Variants in MTARC1 observed in about 807,000 individuals in gnomAD.
The protein encoded by MTARC1 is mitochondrial amidoxime reducing component 1, also known as mitochondrial amidoxime-reducing component 1.
MTARC1 carries 24 observed loss-of-function variants against 33.6 expected under a neutral mutation model. That is an observed-to-expected ratio of 0.72 (90% CI 0.52 to 1.01). The LOEUF (loss-of-function observed/expected upper bound fraction) is 1.01. Ranked by LOEUF, MTARC1 falls within the 50% of genes least tolerant of loss-of-function variation. MTARC1 has a pLI of 0.00. For missense variants in MTARC1, 417 were observed against 445.7 expected (o/e 0.94, Z 0.58); for synonymous variants, 187 against 189.5 (o/e 0.99, Z 0.11).
At chr1:220,787,592 C>T (rs1672275285) in intron 1 of MTARC1, among the ~76,000 whole-genome samples, 1 of 152,010 alleles carries the variant, frequency 6.6e-6, no homozygotes, top group South Asian at 2.1e-4. Flanking sequence ...GGTTCCCAGT[C>T]GCTATTTTGA....
intron 6 of MTARC1, among the ~76,000 whole-genome samples, chr1:220,806,154 A>G (rs1672965243): frequency 6.6e-6 from 1 of 152,252 alleles, no homozygotes; most frequent in Admixed American, 6.5e-5. Context: ...ATAACAGTTT[A>G]GCATACAAGC....
chr1:220,798,421 AG>A (rs1368583227), intron 4 of MTARC1: 35 of 1,174,584 alleles, frequency 3.0e-5, no homozygotes, highest in Non-Finnish European at 3.7e-5. Flanking sequence ...ATTTACTGCA[AG>A]GCTGCTGGGT....
chr1:220,794,219 G>A lies in MTARC1; in HGVS notation c.450-2424G>A, dbSNP rs983405864. 4 of 152,074 alleles carry A rather than the reference G, an allele frequency of 2.6e-5. No homozygotes were observed. In the East Asian group the frequency reaches 7.7e-4, roughly 29 times the overall value. 9.4% of individuals were successfully genotyped at this position (152,074 alleles called of 1,614,324 possible). A position where few individuals can be genotyped will look rare whatever the true frequency, so the allele number is the denominator to read the frequency against. On this transcript the variant is annotated intron_variant, in intron 2 of 6. Transcript: ENST00000366910. ...GGCTGCCAAATGGCAAGTTGAGACTGAGAGGGTGCCTTGGTGGGCTGTAAG... is the reference window on the plus strand; with the variant it reads ...GGCTGCCAAATGGCAAGTTGAGACTAAGAGGGTGCCTTGGTGGGCTGTAAG...
Position 220,813,549 on chromosome 1 carries a change from T to C in MTARC1, c.*131T>C, listed in dbSNP as rs1673205992. The C allele has an allele frequency of 1.6e-6, 2 of 1,269,316 alleles. No individual in the cohort carries two copies. The highest frequency in any genetic ancestry group is 2.2e-6 in the Non-Finnish European group (2 of 926,422). The allele number at this position is 1,269,316 out of a possible 1,614,324, so 78.6% of individuals were successfully genotyped here. A position where few individuals can be genotyped will look rare whatever the true frequency, so the allele number is the denominator to read the frequency against. ...AAATTTGTGATTTTCACATTTTTCGTCTTTTGGACTTCTGGTGTCTCAATG... is the reference window on the plus strand; with the variant it reads ...AAATTTGTGATTTTCACATTTTTCGCCTTTTGGACTTCTGGTGTCTCAATG... On this transcript the variant is annotated 3_prime_UTR_variant, in exon 7 of 7. Transcript: ENST00000366910.
At chr1:220,796,030 A>G (rs545437415) in intron 2 of MTARC1, among the ~76,000 whole-genome samples, 3 of 152,314 alleles carry the variant, frequency 2.0e-5, no homozygotes, top group East Asian at 3.9e-4. Context: ...ACAGCCCTGC[A>G]CAGGACTATG....
Position 220,818,721 on chromosome 1 carries a change from G to A in MTARC1, c.*5303G>A, listed in dbSNP as rs1053850230. On this transcript the variant is annotated 3_prime_UTR_variant, in exon 7 of 7. Coordinates refer to ENST00000366910, the MANE Select transcript of MTARC1 (RefSeq NM_022746.4). ...CTCTTTAGAATTTACTGGGAGTACT[G>A]TAAATAAACTATTGTTGTTATAATT... 1 of 152,196 alleles carries A rather than the reference G, an allele frequency of 6.6e-6. No individual in the cohort carries two copies. Among genetic ancestry groups the A allele is most frequent in the African/African-American group, 2.4e-5 (1 of 41,460 alleles). The allele number at this position is 152,196 out of a possible 1,614,324, so 9.4% of individuals were successfully genotyped here. A position where few individuals can be genotyped will look rare whatever the true frequency, so the allele number is the denominator to read the frequency against.
Position 220,809,519 on chromosome 1 carries a change from T to TTAATTTAATTTATG in MTARC1, c.888-3771_888-3770insATTTAATTTATGTA, listed in dbSNP as rs1673066592. Among the ~76,000 whole-genome samples, 3 of 152,222 alleles carry TTAATTTAATTTATG rather than the reference T, an allele frequency of 2.0e-5. No individual in the cohort carries two copies. In the South Asian group the frequency reaches 6.2e-4, roughly 32 times the overall value. On this transcript the variant is annotated intron_variant, in intron 6 of 6. Transcript: ENST00000366910. Reference sequence around the variant, plus strand: ...TTTAATTTAATTTAATTTAATTTATTTATTTATTGAGACAGAGTCTTACTC... The same window carrying TTAATTTAATTTATG: ...TTTAATTTAATTTAATTTAATTTATTTAATTTAATTTATGTATTTATTGAGACAGAGTCTTACTC...
intron 2 of MTARC1, chr1:220,794,240 G>C (rs894893534): frequency 1.3e-5 from 2 of 150,646 alleles, no homozygotes. Flanking sequence ...TTGGTGGGCT[G>C]TAAGGGTTTG....
At chr1:220,805,687 A>G (rs1453614103) in intron 6 of MTARC1, among the ~76,000 whole-genome samples, 1 of 152,236 alleles carries the variant, frequency 6.6e-6, no homozygotes, top group Non-Finnish European at 1.5e-5. Context: ...TGACATCTGG[A>G]ACTTGCCATA....
intron 2 of MTARC1, chr1:220,794,269 A>T (rs1366101594): frequency 3.5e-5 from 5 of 144,166 alleles, no homozygotes; most frequent in Admixed American, 7.0e-5. Context: ...AAGGAGGGTG[A>T]TTTTTTTTTT....
rs969581228 is a variant in MTARC1 at position 220,819,226 on chromosome 1, A to T, written c.*5808A>T. ...TTATGTTGACCTGACATCATAGTTT[A>T]TATTATAAAATGTATTAATGACAGA... On this transcript the variant is annotated 3_prime_UTR_variant, in exon 7 of 7. Coordinates refer to ENST00000366910, the MANE Select transcript of MTARC1 (RefSeq NM_022746.4). The T allele has an allele frequency of 1.3e-5, 2 of 152,348 alleles. No homozygotes were observed. Among genetic ancestry groups the T allele is most frequent in the East Asian group, 3.9e-4 (2 of 5,182 alleles). 9.4% of individuals were successfully genotyped at this position (152,348 alleles called of 1,614,324 possible).
intron 4 of MTARC1, among the ~76,000 whole-genome samples, chr1:220,802,299 G>A (rs1672837186): frequency 6.6e-6 from 1 of 151,682 alleles, no homozygotes; most frequent in African/African-American, 2.4e-5. Flanking sequence ...TCCCACCCCA[G>A]CCCCTACACC....
chr1:220,804,021 A>G (rs1672892650), intron 4 of MTARC1, among the ~76,000 whole-genome samples: 2 of 152,182 alleles, frequency 1.3e-5, no homozygotes, highest in Admixed American at 1.3e-4. Flanking sequence ...AGGACAAGGC[A>G]GTTTGCTTTT....
At chr1:220,796,578 G>A in intron 2 of MTARC1, 65 bp from the exon 3 acceptor site, 1 of 1,470,450 alleles carries the variant, frequency 6.8e-7, no homozygotes, top group South Asian at 1.4e-5. Context: ...TGATATAGCT[G>A]GCACATATTA....
At chr1:220,811,925 C>G (rs1673145958) in intron 6 of MTARC1, among the ~76,000 whole-genome samples, 2 of 152,230 alleles carry the variant, frequency 1.3e-5, no homozygotes, top group African/African-American at 4.8e-5. Flanking sequence ...GGGCATTAAT[C>G]ACAGTTCCTG....
chr1:220,795,358 A>G (rs1163591673), intron 2 of MTARC1, among the ~76,000 whole-genome samples: 1 of 152,196 alleles, frequency 6.6e-6, no homozygotes, highest in Non-Finnish European at 1.5e-5. Context: ...GTGGAAATGG[A>G]ATGCTCACCC....
intron 4 of MTARC1, among the ~76,000 whole-genome samples, chr1:220,802,495 C>G (rs1342465047): frequency 6.6e-6 from 1 of 152,202 alleles, no homozygotes; most frequent in Non-Finnish European, 1.5e-5. Flanking sequence ...CCATGCCTGG[C>G]TAGTTTTTGT....
In MTARC1 at chr1:220,786,959, C is replaced by T; in HGVS notation, c.15C>T (p.Gly5=). Residue 5 remains glycine (G), a synonymous_variant, in exon 1 of 7, where the codon GGC becomes GGT. Coordinates refer to ENST00000366910, the MANE Select transcript of MTARC1 (RefSeq NM_022746.4). The part of the protein sequence containing the change: MGAA[G]SSALARFVLL... The stretch of plus-strand genomic sequence containing the variant: ...AGAAGCCAGCCATGGGCGCCGCCGG[C>T]TCCTCCGCGCTGGCGCGCTTTGTCC... The T allele has an allele frequency of 1.6e-6, 2 of 1,242,776 alleles. No individual in the cohort carries two copies. Among genetic ancestry groups the T allele is most frequent in the Non-Finnish European group, 2.0e-6 (2 of 995,832 alleles). 77.0% of individuals were successfully genotyped at this position (1,242,776 alleles called of 1,614,324 possible).
chr1:220,791,807 C>T, intron 2 of MTARC1, 143 bp downstream of exon 2: 1 of 865,076 alleles, frequency 1.2e-6, no homozygotes, highest in Non-Finnish European at 1.7e-6. Flanking sequence ...ATGAAGTCCT[C>T]AACATTATGA....
Sources: gnomAD v4.1 joint callset for allele counts (sites outside exome capture counted in the v4.1 genomes callset) on GRCh38, gnomAD v4.1.1 for gene constraint, MANE v1.5 for transcripts, NCBI Gene and HGNC (gene_info 2026-07-23, HGNC 2026-07-21) for gene names.